Variants in TTC23L observed in about 807,000 individuals in gnomAD.
TTC23L encodes tetratricopeptide repeat protein 23-like.
Under a neutral mutation model 48.1 loss-of-function variants are expected in TTC23L, and 42 were observed. The ratio of observed to expected loss-of-function variants is 0.87; its 90% confidence interval spans 0.68 to 1.13. TTC23L has a LOEUF of 1.13. Ranked by LOEUF, TTC23L falls within the 50% of genes most tolerant of loss-of-function variation. TTC23L has a pLI of 0.00. For synonymous variants in TTC23L, 159 were observed against 157.2 expected (o/e 1.01, Z -0.09); for missense variants, 391 against 421.0 (o/e 0.93, Z 0.62).
intron 9 of TTC23L, among the ~76,000 whole-genome samples, chr5:34,895,821 C>T (rs1319478178): frequency 6.6e-6 from 1 of 152,198 alleles, no homozygotes; most frequent in Non-Finnish European, 1.5e-5. Flanking sequence ...ATCAGCCAGA[C>T]CAGTCTTGGG....
At chr5:34,903,965 T>C (rs1763570736), downstream of TTC23L, among the ~76,000 whole-genome samples, 1 of 152,048 alleles carries the variant, frequency 6.6e-6, no homozygotes, top group South Asian at 2.1e-4. Flanking sequence ...AATATTGTTA[T>C]TTTTATTTTA....
At chr5:34,877,151 C>T (rs2111607225) in intron 8 of TTC23L, among the ~76,000 whole-genome samples, 1 of 152,238 alleles carries the variant, frequency 6.6e-6, no homozygotes, top group South Asian at 2.1e-4. Flanking sequence ...GTATGCAAGG[C>T]CAGTCCAGTA....
intron 10 of TTC23L, among the ~76,000 whole-genome samples, chr5:34,897,157 G>A (rs1250023442): frequency 6.6e-6 from 1 of 152,186 alleles, no homozygotes; most frequent in Admixed American, 6.5e-5. Context: ...GGCTGAGGCA[G>A]GTGGATTGTC....
chr5:34,841,517 T>G (rs1301094394), intron 2 of TTC23L, among the ~76,000 whole-genome samples: 1 of 152,118 alleles, frequency 6.6e-6, no homozygotes, highest in Non-Finnish European at 1.5e-5. Flanking sequence ...TCCATTCTTG[T>G]TTTGTTTTGT....
the TTC23L span, among the ~76,000 whole-genome samples, chr5:34,904,693 T>C: frequency 2.0e-5 from 3 of 152,254 alleles, no homozygotes; most frequent in African/African-American, 7.2e-5. Context: ...AAGGTCCACT[T>C]AAGGCAGGCT....
At chr5:34,909,450 T>C in the TTC23L span, 1 of 816,328 alleles carries the variant, frequency 1.2e-6, no homozygotes, top group Non-Finnish European at 2.0e-6. Flanking sequence ...AAATTCATAC[T>C]AGTGGGTGAA....
At chr5:34,894,704 G>A (rs951211787) in intron 9 of TTC23L, among the ~76,000 whole-genome samples, 2 of 152,164 alleles carry the variant, frequency 1.3e-5, no homozygotes, top group African/African-American at 2.4e-5. Flanking sequence ...TCTGTCTTTA[G>A]CTGTGAGATC....
At chr5:34,847,332 T>G (rs1262418133) in intron 3 of TTC23L, among the ~76,000 whole-genome samples, 1 of 152,130 alleles carries the variant, frequency 6.6e-6, no homozygotes, top group Non-Finnish European at 1.5e-5. Context: ...AGTGGGGGTT[T>G]TCAAGGCTTA....
chr5:34,850,899 C>A (rs904855272), intron 4 of TTC23L, among the ~76,000 whole-genome samples: 1 of 152,148 alleles, frequency 6.6e-6, no homozygotes, highest in Non-Finnish European at 1.5e-5. Flanking sequence ...GTAGTACAGG[C>A]TGAATAAATA....
At chr5:34,880,149 C>G in intron 8 of TTC23L, 32 bp from the exon 9 acceptor site, 1 of 1,595,186 alleles carries the variant, frequency 6.3e-7, no homozygotes, top group Non-Finnish European at 8.5e-7. Context: ...AGGTTAGCAG[C>G]TTGCCTTAAA....
chr5:34,842,256 T>C (rs539679822), intron 2 of TTC23L, among the ~76,000 whole-genome samples: 1 of 152,226 alleles, frequency 6.6e-6, no homozygotes, highest in South Asian at 2.1e-4. Context: ...ATACAGCACA[T>C]ATTTTACATT....
intron 9 of TTC23L, among the ~76,000 whole-genome samples, chr5:34,885,348 A>G (rs555374947): frequency 5.3e-5 from 8 of 152,370 alleles, no homozygotes; most frequent in Admixed American, 1.3e-4. Flanking sequence ...TGGAGCTTGT[A>G]TCAGGAAACG....
chr5:34,859,289 C>G (rs1561130808), intron 4 of TTC23L, among the ~76,000 whole-genome samples: 1 of 152,180 alleles, frequency 6.6e-6, no homozygotes. Flanking sequence ...CAGTTTTCTA[C>G]TTTGTTTTCT....
Position 34,869,020 on chromosome 5 carries a change from A to G in TTC23L, c.949+7A>G. ...GGAGAGGCCCAGCACAGGGGTAGGTAAAAGAGGTAGCCTTGAAGTTATTTC... is the reference window on the plus strand; with the variant it reads ...GGAGAGGCCCAGCACAGGGGTAGGTGAAAGAGGTAGCCTTGAAGTTATTTC... On this transcript the variant is annotated splice_region_variant and intron_variant, in intron 8 of 10. Coordinates refer to ENST00000505624, the Ensembl canonical transcript of TTC23L. 1 of 1,592,900 alleles carries G rather than the reference A, an allele frequency of 6.3e-7. No individual in the cohort carries two copies. Among genetic ancestry groups the G allele is most frequent in the South Asian group, 1.1e-5 (1 of 87,914 alleles).
Position 34,863,263 on chromosome 5 carries a change from G to A in TTC23L, c.536+209G>A, listed in dbSNP as rs74942454. On this transcript the variant is annotated intron_variant, in intron 5 of 10. Coordinates refer to ENST00000505624, the Ensembl canonical transcript of TTC23L. The surrounding 1 kb of genome is among the most constrained non-coding windows in gnomAD (Gnocchi z 4.1). The stretch of plus-strand genomic sequence containing the variant: ...TCATATAAGCTCTGAGTTGAGCCAC[G>A]GAAGAGATTTCACTAGTCACATATT... Among the ~76,000 whole-genome samples, 6 of 152,230 alleles carry A rather than the reference G, an allele frequency of 3.9e-5. No homozygotes were observed. The highest frequency in any genetic ancestry group is 2.1e-4 in the South Asian group (1 of 4,824).
rs575328237 is a variant in TTC23L, at chr5:34,893,104, G to A, written c.1078-3666G>A. Among the ~76,000 whole-genome samples the A allele has an allele frequency of 1.4e-3, 209 of 152,288 alleles. 5 individuals carry two copies. The South Asian group carries it at 0.042, about 31-fold the overall frequency. ...TTTAGACCCTTAATTATCTAAAGCC[G>A]TAGTAGGAAGAACGTGTAGAGGACA... On this transcript the variant is annotated intron_variant, in intron 9 of 10. Transcript: ENST00000505624.
chr5:34,886,156 T>C (rs1386288081), intron 9 of TTC23L, among the ~76,000 whole-genome samples: 1 of 152,130 alleles, frequency 6.6e-6, no homozygotes, highest in Non-Finnish European at 1.5e-5. Flanking sequence ...TCCTCTCTTG[T>C]AGGGCAGCCA....
intron 9 of TTC23L, among the ~76,000 whole-genome samples, chr5:34,894,392 T>A (rs2111833712): frequency 6.6e-6 from 1 of 152,314 alleles, no homozygotes; most frequent in South Asian, 2.1e-4. Context: ...TATTCCCATA[T>A]ATACTGTTAG....
chr5:34,875,153 C>T (rs1761739057), intron 8 of TTC23L, among the ~76,000 whole-genome samples: 1 of 152,150 alleles, frequency 6.6e-6, no homozygotes, highest in Non-Finnish European at 1.5e-5. Context: ...TCCAATAAGA[C>T]ATACAATCCT....
Sources: allele counts gnomAD v4.1 joint callset (sites outside exome capture counted in the v4.1 genomes callset), GRCh38; gene constraint gnomAD v4.1.1; non-coding constraint Gnocchi (gnomAD v3.1); transcripts MANE v1.5; gene names NCBI Gene and HGNC (gene_info 2026-07-23, HGNC 2026-07-21).